SCMH1: variants seen among roughly 807,000 people sequenced by gnomAD.
SCMH1 encodes the protein polycomb protein SCMH1.
SCMH1 carries 37 observed loss-of-function variants against 70.8 expected under a neutral mutation model. That is an observed-to-expected ratio of 0.52 (90% CI 0.40 to 0.69). The LOEUF is 0.69. SCMH1 is among the 30% of genes least tolerant of loss of function. The probability of loss-of-function intolerance (pLI) is 0.00; values close to 1 mark genes in which losing one functional copy is unlikely to be tolerated. For synonymous variants in SCMH1, 292 were observed against 307.4 expected (o/e 0.95, Z 0.52); for missense variants, 607 against 827.3 (o/e 0.73, Z 3.27).
chr1:41,089,448 T>C (rs1048184460), intron 8 of SCMH1, among the ~76,000 whole-genome samples: 8 of 152,244 alleles, frequency 5.3e-5, no homozygotes, highest in Non-Finnish European at 1.0e-4. Flanking sequence ...CTTGAAAATG[T>C]ATTAACAATC....
chr1:41,093,473 A>G (rs1405477125), intron 8 of SCMH1, among the ~76,000 whole-genome samples: 2 of 152,204 alleles, frequency 1.3e-5, no homozygotes, highest in Non-Finnish European at 2.9e-5. Context: ...ATACATATGT[A>G]ACAAACCTGC....
At chr1:41,055,164 A>G (rs1331201218) in intron 10 of SCMH1, among the ~76,000 whole-genome samples, 1 of 152,212 alleles carries the variant, frequency 6.6e-6, no homozygotes, top group Non-Finnish European at 1.5e-5. Flanking sequence ...GATGGTACAA[A>G]ATGGAAAAAA....
intron 8 of SCMH1, among the ~76,000 whole-genome samples, chr1:41,099,810 G>A (rs192853292): frequency 6.6e-6 from 1 of 152,312 alleles, no homozygotes; most frequent in Admixed American, 6.5e-5. Context: ...GGTTTGTGAA[G>A]TTTACTCAGA....
chr1:41,127,518 T>G (rs1444129335), intron 6 of SCMH1, among the ~76,000 whole-genome samples: 1 of 152,248 alleles, frequency 6.6e-6, no homozygotes, highest in East Asian at 1.9e-4. Flanking sequence ...CTGTGATATA[T>G]GGATTCAATT....
chr1:41,073,838 C>A (rs189327152), intron 9 of SCMH1, among the ~76,000 whole-genome samples: 24 of 152,200 alleles, frequency 1.6e-4, no homozygotes, highest in African/African-American at 5.3e-4. Flanking sequence ...AATAAACAAG[C>A]AAAACAAACC....
intron 8 of SCMH1, among the ~76,000 whole-genome samples, chr1:41,093,716 A>G (rs1664306166): frequency 6.6e-6 from 1 of 152,188 alleles, no homozygotes; most frequent in South Asian, 2.1e-4. Flanking sequence ...CCCAAATATC[A>G]GCATATTTTA....
chr1:41,080,344 A>T (rs1462573795), intron 8 of SCMH1, among the ~76,000 whole-genome samples: 3 of 152,194 alleles, frequency 2.0e-5, no homozygotes, highest in Admixed American at 2.0e-4. Context: ...TCTTTTGAAA[A>T]ATAGAAGAGG....
intron 1 of SCMH1, among the ~76,000 whole-genome samples, chr1:41,198,354 C>G (rs999174205): frequency 7.9e-5 from 12 of 152,100 alleles, no homozygotes; most frequent in African/African-American, 2.9e-4. Context: ...TGTGGACAAA[C>G]TCATTTTCTA....
intron 1 of SCMH1, among the ~76,000 whole-genome samples, chr1:41,201,386 C>T (rs1378390843): frequency 2.6e-5 from 4 of 152,170 alleles, no homozygotes; most frequent in Non-Finnish European, 4.4e-5. Flanking sequence ...CTGCCAATTC[C>T]TCAACAGAAA....
At chr1:41,079,363 A>T (rs1352088696) in intron 8 of SCMH1, among the ~76,000 whole-genome samples, 3 of 152,172 alleles carry the variant, frequency 2.0e-5, no homozygotes, top group Non-Finnish European at 4.4e-5. Context: ...AAACCCCCAG[A>T]ACTCAATTAT....
intron 6 of SCMH1, among the ~76,000 whole-genome samples, chr1:41,136,528 C>T (rs1015361238): frequency 4.6e-5 from 7 of 151,824 alleles, no homozygotes; most frequent in South Asian, 2.1e-4. Context: ...CATGCACCAC[C>T]GTGCCCAGCT....
intron 13 of SCMH1, among the ~76,000 whole-genome samples, chr1:41,031,538 G>A (rs564801161): frequency 6.6e-6 from 1 of 152,194 alleles, no homozygotes; most frequent in Non-Finnish European, 1.5e-5. Context: ...TGGGCACTGG[G>A]GAGAGGTATG....
At chr1:41,111,488 T>C (rs760715016) in intron 8 of SCMH1, among the ~76,000 whole-genome samples, 4 of 152,160 alleles carry the variant, frequency 2.6e-5, no homozygotes, top group Non-Finnish European at 5.9e-5. Flanking sequence ...TACAGGCGTG[T>C]TACCACCACG....
At chr1:41,165,829 G>A (rs573715154) in intron 2 of SCMH1, among the ~76,000 whole-genome samples, 6 of 152,008 alleles carry the variant, frequency 3.9e-5, no homozygotes, top group Non-Finnish European at 8.8e-5. Flanking sequence ...CCCAATCTGT[G>A]TGTTGTCTCT....
intron 8 of SCMH1, among the ~76,000 whole-genome samples, chr1:41,112,769 G>T (rs1669552180): frequency 1.3e-5 from 2 of 152,100 alleles, no homozygotes. Flanking sequence ...TGTAGTTTAA[G>T]GAGGTAAATT....
intron 11 of SCMH1, 55 bp from the exon 12 acceptor site, chr1:41,046,653 C>G (rs1451931553): frequency 3.0e-5 from 42 of 1,396,936 alleles, no homozygotes; most frequent in Non-Finnish European, 3.3e-5. Context: ...GAGTACAGCG[C>G]TAGGCAGGAC....
intron 1 of SCMH1, among the ~76,000 whole-genome samples, chr1:41,216,864 T>G (rs765471413): frequency 1.2e-4 from 18 of 152,144 alleles, no homozygotes; most frequent in Non-Finnish European, 1.9e-4. Context: ...AACAGAAATT[T>G]ATTCTCTCAT....
chr1:41,206,869 G>C (rs968493624), intron 1 of SCMH1, among the ~76,000 whole-genome samples: 2 of 152,176 alleles, frequency 1.3e-5, no homozygotes, highest in Non-Finnish European at 2.9e-5. Context: ...CGCCAGAAGC[G>C]AGTGGGGGCC....
At chr1:41,036,581 C>T (rs777403873) in intron 13 of SCMH1, among the ~76,000 whole-genome samples, 2 of 152,156 alleles carry the variant, frequency 1.3e-5, no homozygotes, top group Non-Finnish European at 2.9e-5. Context: ...TTTTGTCCCT[C>T]CTCAAATCCA....
Sources: allele counts gnomAD v4.1 joint callset (sites outside exome capture counted in the v4.1 genomes callset), GRCh38; gene constraint gnomAD v4.1.1; transcripts MANE v1.5; gene names NCBI Gene and HGNC (gene_info 2026-07-23, HGNC 2026-07-21).